The following CACNA1H variants were observed in gnomAD, a reference collection of about 807,000 sequenced individuals.
CACNA1H encodes voltage-dependent T-type calcium channel subunit alpha-1H.
CACNA1H carries 149 observed loss-of-function variants against 192.5 expected under a neutral mutation model. That is an observed-to-expected ratio of 0.77 (90% CI 0.68 to 0.89). CACNA1H has a LOEUF of 0.89. Ranked by LOEUF, CACNA1H falls within the 40% of genes least tolerant of loss-of-function variation. The pLI is 0.00. For synonymous variants in CACNA1H, 2,202 were observed against 1,475.2 expected, an observed-to-expected ratio of 1.49 and a Z score of -11.29; for missense variants, 4,257 against 3,423.5, an observed-to-expected ratio of 1.24 and a Z score of -6.08.
chr16:1,192,964 C>T (rs928294301), intron 2 of CACNA1H, among the ~76,000 whole-genome samples: 4 of 152,002 alleles, frequency 2.6e-5, no homozygotes, highest in African/African-American at 9.7e-5. Flanking sequence ...AGCAGTCCCA[C>T]CACCCCCCAT....
At position 1,206,639 on chromosome 16, in the gene CACNA1H, G is replaced by A. The variant is rs1968746460; in HGVS notation, c.2789+350G>A. ...GTGCCCGTCTAGCCTGGAGCTCAGGGTCAGGGTCGGCTGGAGGCTAGGCAG... is the reference window on the plus strand; with the variant it reads ...GTGCCCGTCTAGCCTGGAGCTCAGGATCAGGGTCGGCTGGAGGCTAGGCAG... On this transcript the variant is annotated intron_variant, in intron 12 of 34. Transcript: ENST00000348261. 3 of 422,160 alleles carry A rather than the reference G, an allele frequency of 7.1e-6. No individual in the cohort carries two copies. In the South Asian group the frequency reaches 9.4e-5, roughly 13 times the overall value. The allele number at this position is 422,160 out of a possible 1,614,324, so 26.2% of individuals were successfully genotyped here.
intron 4 of CACNA1H, 69 bp downstream of exon 4, chr16:1,195,634 G>C: frequency 6.6e-7 from 1 of 1,514,490 alleles, no homozygotes; most frequent in Non-Finnish European, 8.9e-7. Flanking sequence ...GGATCCCTGT[G>C]TCCCACCTGT....
intron 2 of CACNA1H, among the ~76,000 whole-genome samples, chr16:1,156,588 G>A (rs1461939369): frequency 6.6e-6 from 1 of 152,124 alleles, no homozygotes; most frequent in Non-Finnish European, 1.5e-5. Context: ...GTAGCAAGAG[G>A]GTGCTTCCTG....
chr16:1,189,212 C>T (rs962059790), intron 2 of CACNA1H, among the ~76,000 whole-genome samples: 4 of 152,112 alleles, frequency 2.6e-5, no homozygotes, highest in African/African-American at 9.7e-5. Context: ...GTCCCTGAAG[C>T]GTCCTGGGCG....
chr16:1,184,223 C>T (rs940604254), intron 2 of CACNA1H, among the ~76,000 whole-genome samples: 10 of 152,264 alleles, frequency 6.6e-5, no homozygotes, highest in African/African-American at 2.4e-4. Flanking sequence ...TCCCCGAGCC[C>T]TGAGACCAGG....
chr16:1,156,628 C>T (rs1962438080), intron 2 of CACNA1H, among the ~76,000 whole-genome samples: 1 of 152,130 alleles, frequency 6.6e-6, no homozygotes, highest in African/African-American at 2.4e-5. Flanking sequence ...TCCGCAGGGC[C>T]CCGCATCCCT....
chr16:1,198,581 T>C, intron 5 of CACNA1H, 34 bp from the exon 6 acceptor site: 1 of 1,609,138 alleles, frequency 6.2e-7, no homozygotes, highest in Middle Eastern at 1.7e-4. Flanking sequence ...CCTGCAGGGC[T>C]TAGCAGTGCC....
chr16:1,184,837 G>A (rs957987550), intron 2 of CACNA1H, among the ~76,000 whole-genome samples: 3 of 152,258 alleles, frequency 2.0e-5, no homozygotes, highest in Admixed American at 2.0e-4. Flanking sequence ...TAAAGGCAAA[G>A]CTGGGAACGC....
In CACNA1H at chr16:1,203,269, C is replaced by T. The variant is rs531664846; in HGVS notation, c.2003-741C>T. On this transcript the variant is annotated intron_variant, in intron 9 of 34. Coordinates refer to ENST00000348261, the MANE Select transcript of CACNA1H (RefSeq NM_021098.3). ...AAGACAGCACGAAAACATCACAGGACGGCTCGATGGTCATTTTCATGTCAG... is the reference window on the plus strand; with the variant it reads ...AAGACAGCACGAAAACATCACAGGATGGCTCGATGGTCATTTTCATGTCAG... 4.5e-4 allele frequency among the ~76,000 whole-genome samples: 68 copies of T among 152,288 alleles called. 1 individual carries two copies. In the South Asian group the frequency reaches 0.013, roughly 30 times the overall value.
intron 2 of CACNA1H, among the ~76,000 whole-genome samples, chr16:1,181,689 T>C (rs1314604885): frequency 6.6e-6 from 1 of 152,242 alleles, no homozygotes; most frequent in African/African-American, 2.4e-5. Flanking sequence ...TAGAGGGAGC[T>C]GTCCGCGTGT....
chr16:1,172,061 A>G (rs1393430399), intron 2 of CACNA1H, among the ~76,000 whole-genome samples: 1 of 151,222 alleles, frequency 6.6e-6, no homozygotes, highest in Non-Finnish European at 1.5e-5. Flanking sequence ...AGCAGCCTTC[A>G]CTGAACTCTG....
intron 5 of CACNA1H, among the ~76,000 whole-genome samples, chr16:1,196,699 G>A (rs915683177): frequency 2.0e-5 from 3 of 152,208 alleles, no homozygotes; most frequent in African/African-American, 7.2e-5. Flanking sequence ...AGGAGCTGCT[G>A]TGTGTCTGCT....
At chr16:1,218,168 G>C in intron 32 of CACNA1H, 42 bp from the exon 33 acceptor site, 1 of 1,536,600 alleles carries the variant, frequency 6.5e-7, no homozygotes, top group Non-Finnish European at 8.8e-7. Context: ...TGGCACCCGC[G>C]GGTGGGTGTG....
intron 2 of CACNA1H, among the ~76,000 whole-genome samples, chr16:1,168,196 C>G (rs902134759): frequency 5.9e-5 from 9 of 151,874 alleles, no homozygotes; most frequent in Non-Finnish European, 1.3e-4. Context: ...TGTGGGATCC[C>G]CCCCCCCAAG....
At chr16:1,210,348 T>TTCCCCCCCCCCCCCCCCC in intron 18 of CACNA1H, 22 bp from the exon 19 acceptor site, 1 of 277,476 alleles carries the variant, frequency 3.6e-6, no homozygotes, top group South Asian at 3.1e-5. Flanking sequence ...GCCCCACCTC[T>TTCCCCCCCCCCCCCCCCC]CACCCGCCCC....
chr16:1,162,761 G>A (rs1463457234), intron 2 of CACNA1H, among the ~76,000 whole-genome samples: 3 of 152,100 alleles, frequency 2.0e-5, no homozygotes, highest in South Asian at 2.1e-4. Context: ...CCCCACTGAC[G>A]CTGGGAGGAC....
Position 1,221,418 on chromosome 16 carries a change from G to A in CACNA1H, c.*424G>A. On this transcript the variant is annotated 3_prime_UTR_variant, in exon 35 of 35. Transcript: ENST00000348261. ...CAGGTTGCAGCCACCGCGGCCCAAT[G>A]TCACCTTCACTCACAGTCTGAGTTC... is the stretch of plus-strand genomic sequence containing the variant. 6.7e-6 allele frequency: 2 copies of A among 298,416 alleles called. No individual in the cohort carries two copies. Among genetic ancestry groups the A allele is most frequent in the Non-Finnish European group, 1.2e-5 (2 of 161,356 alleles). 18.5% of individuals were successfully genotyped at this position (298,416 alleles called of 1,614,324 possible). A position where few individuals can be genotyped will look rare whatever the true frequency, so the allele number is the denominator to read the frequency against.
chr16:1,218,991 C>T lies in CACNA1H; in HGVS notation c.5909C>T (p.Ser1970Phe). 6.5e-7 allele frequency: 1 copy of T among 1,550,316 alleles called. No homozygotes were observed. The highest frequency in any genetic ancestry group is 8.7e-7 in the Non-Finnish European group (1 of 1,146,906). ...CCAGGCTCCGTTGCCTCTGTGCACT[C>T]TCCGCCCGCAGAGTCCTGTGCCTCC... is the stretch of plus-strand genomic sequence containing the variant. ...TPLGSVASVHSPPAESCASLQ... is the reference protein window; with the variant it reads ...TPLGSVASVHFPPAESCASLQ... The change falls in exon 34 of 35, where the codon TCT becomes TTT. Residue 1970 changes from serine to phenylalanine, a missense_variant. By Grantham distance (155) the Ser-to-Phe change is radical. Coordinates refer to ENST00000348261, the MANE Select transcript of CACNA1H (RefSeq NM_021098.3).
At chr16:1,181,918 C>T (rs1026650444) in intron 2 of CACNA1H, among the ~76,000 whole-genome samples, 6 of 152,002 alleles carry the variant, frequency 3.9e-5, no homozygotes, top group Admixed American at 2.0e-4. Context: ...GCGCCCCTCA[C>T]ACATGCATGT....
Sources: gnomAD v4.1 joint callset for allele counts (sites outside exome capture counted in the v4.1 genomes callset) on GRCh38, gnomAD v4.1.1 for gene constraint, MANE v1.5 for transcripts, NCBI Gene and HGNC (gene_info 2026-07-23, HGNC 2026-07-21) for gene names.